Variants in ZSCAN5A observed in about 807,000 individuals in gnomAD.
The protein encoded by ZSCAN5A is zinc finger and SCAN domain containing 5A.
In ZSCAN5A, 12 loss-of-function variants were observed where a neutral mutation model predicts 23.7. The ratio of observed to expected loss-of-function variants is 0.51; its 90% CI spans 0.32 to 0.82. The LOEUF is 0.82. Among genes scored for constraint, ZSCAN5A ranks in the 40% least tolerant of loss-of-function variants. The pLI, the probability that ZSCAN5A is intolerant of heterozygous loss-of-function variation, is 0.03. For missense variants in ZSCAN5A, 597 were observed against 617.9 expected (o/e 0.97, Z 0.36); for synonymous variants, 257 against 239.9 (o/e 1.07, Z -0.66).
chr19:56,285,196 A>G (rs933450612), intron 2 of ZSCAN5A, among the ~76,000 whole-genome samples: 1 of 152,252 alleles, frequency 6.6e-6, no homozygotes, highest in Non-Finnish European at 1.5e-5. Context: ...TTGCTATATA[A>G]GGTTACAGCT....
chr19:56,271,681 G>C (rs1568675248), intron 2 of ZSCAN5A, among the ~76,000 whole-genome samples: 1 of 152,152 alleles, frequency 6.6e-6, no homozygotes, highest in Non-Finnish European at 1.5e-5. Flanking sequence ...GGCGGCAGGA[G>C]AGAGTCCCCT....
rs1306533800 is a variant in ZSCAN5A, at chr19:56,246,733, G to A, written c.-127-21560C>T. The A allele has an allele frequency of 3.0e-6, 4 of 1,327,338 alleles. No individual in the cohort carries two copies. In the South Asian group the frequency reaches 4.7e-5, roughly 16 times the overall value. The allele number at this position is 1,327,338 out of a possible 1,614,324, so 82.2% of individuals were successfully genotyped here. On this transcript the variant is annotated intron_variant, in intron 2 of 5. Coordinates refer to ENST00000683990, the MANE Select transcript of ZSCAN5A (RefSeq NM_001322064.3). ...GTGTGTGGAATCCCTTCTTCCAGCA[G>A]GTGTGGTGGGAGCAAAGGAGGGGAA...
intron 2 of ZSCAN5A, among the ~76,000 whole-genome samples, chr19:56,332,093 C>T (rs1385495826): frequency 6.6e-6 from 1 of 152,044 alleles, no homozygotes; most frequent in Non-Finnish European, 1.5e-5. Context: ...TTAGGCTGAG[C>T]TTGTTGTCCA....
At position 56,226,671 on chromosome 19, in the gene ZSCAN5A, G is replaced by C. The variant is rs538374305; in HGVS notation, c.-127-1498C>G. Reference sequence around the variant, plus strand: ...CAGTATAGAAGCTCCTCAGAAAATTGAAAGTCCAACAACTGCATGATCCGG... The same window carrying C: ...CAGTATAGAAGCTCCTCAGAAAATTCAAAGTCCAACAACTGCATGATCCGG... On this transcript the variant is annotated intron_variant, in intron 2 of 5. Coordinates refer to ENST00000683990, the MANE Select transcript of ZSCAN5A (RefSeq NM_001322064.3). 5.3e-5 allele frequency among the ~76,000 whole-genome samples: 8 copies of C among 152,280 alleles called. No individual in the cohort carries two copies. The South Asian group carries it at 1.7e-3, about 32-fold the overall frequency.
intron 2 of ZSCAN5A, among the ~76,000 whole-genome samples, chr19:56,312,794 C>A (rs571447431): frequency 6.6e-6 from 1 of 152,240 alleles, no homozygotes; most frequent in Non-Finnish European, 1.5e-5. Context: ...CACTCTTCAG[C>A]TGCACTTATC....
Position 56,292,970 on chromosome 19 carries a change from T to C in ZSCAN5A, c.-128+20313A>G, listed in dbSNP as rs1481460352. On this transcript the variant is annotated intron_variant, in intron 2 of 5. Coordinates refer to ENST00000683990, the MANE Select transcript of ZSCAN5A (RefSeq NM_001322064.3). The stretch of plus-strand genomic sequence containing the variant: ...ATTTTTTAATCCAATCATCCACTGA[T>C]TGAATTTTGGGTTGATTCTACCTTT... Among the ~76,000 whole-genome samples the C allele has an allele frequency of 3.9e-5, 6 of 152,188 alleles. No individual in the cohort carries two copies. The East Asian group carries it at 1.2e-3, about 29-fold the overall frequency.
At chr19:56,319,059 A>C (rs1385016997), upstream of ZSCAN5A, among the ~76,000 whole-genome samples, 3 of 152,126 alleles carry the variant, frequency 2.0e-5, no homozygotes, top group Non-Finnish European at 4.4e-5. Context: ...ACCCACCCCA[A>C]CCCCAACAGA....
At chr19:56,307,719 G>C (rs565302529) in intron 2 of ZSCAN5A, among the ~76,000 whole-genome samples, 4 of 152,230 alleles carry the variant, frequency 2.6e-5, no homozygotes, top group Admixed American at 1.3e-4. Context: ...TTTTCCCCAA[G>C]GTCTGTATGT....
chr19:56,326,003 G>A (rs917263509), intron 2 of ZSCAN5A, among the ~76,000 whole-genome samples: 1 of 151,228 alleles, frequency 6.6e-6, no homozygotes. Context: ...TGTGATCTCC[G>A]CTCACTGCAA....
intron 2 of ZSCAN5A, among the ~76,000 whole-genome samples, chr19:56,260,389 T>A (rs1251822903): frequency 6.6e-6 from 1 of 151,948 alleles, no homozygotes; most frequent in Non-Finnish European, 1.5e-5. Flanking sequence ...TAGTTATGTA[T>A]TTTTAGTAGA....
At chr19:56,301,922 G>T in intron 2 of ZSCAN5A, 1 of 1,231,934 alleles carries the variant, frequency 8.1e-7, no homozygotes, top group Non-Finnish European at 1.0e-6. Context: ...CTCTAAGGCA[G>T]GAAGGGAAGG....
chr19:56,304,241 G>C (rs977806525), intron 2 of ZSCAN5A, among the ~76,000 whole-genome samples: 18 of 152,222 alleles, frequency 1.2e-4, no homozygotes, highest in African/African-American at 4.1e-4. Flanking sequence ...CAGTTCTAAA[G>C]GAACTGCTTA....
chr19:56,354,282 ATTGT>A lies in ZSCAN5A; in HGVS notation c.-358+8949_-358+8952del, dbSNP rs920129391. On this transcript the variant is annotated intron_variant, in intron 2 of 6. Coordinates refer to the ZSCAN5A transcript ENST00000587340. ...CACTTACAAATGGTTAAGCCAGTCAATTGTTTGTTTGTATTTTACCACAATTTAA... is the reference window on the plus strand; with the variant it reads ...CACTTACAAATGGTTAAGCCAGTCAATTGTTTGTATTTTACCACAATTTAA... Among the ~76,000 whole-genome samples, 11 of 144,314 alleles carry A rather than the reference ATTGT, an allele frequency of 7.6e-5. No homozygotes were observed. The East Asian group carries it at 9.6e-4, about 13-fold the overall frequency. The allele number at this position is 144,314 out of a possible 152,430, so 94.7% of individuals were successfully genotyped here. A position where few individuals can be genotyped will look rare whatever the true frequency, so the allele number is the denominator to read the frequency against.
chr19:56,357,187 G>A (rs1004160707), intron 2 of ZSCAN5A, among the ~76,000 whole-genome samples: 6 of 148,078 alleles, frequency 4.1e-5, no homozygotes, highest in Non-Finnish European at 7.4e-5. Context: ...GGATGCCAAG[G>A]GTGTTAAGGA....
At position 56,228,199 on chromosome 19, in the gene ZSCAN5A, A is replaced by AC. The variant is rs144703553; in HGVS notation, c.-127-3027dup. 1,034 of 984,228 alleles carry AC rather than the reference A, an allele frequency of 1.1e-3. 10 individuals carry two copies. The African/African-American group carries it at 0.017, about 16-fold the overall frequency. The allele number at this position is 984,228 out of a possible 1,614,324, so 61.0% of individuals were successfully genotyped here. On this transcript the variant is annotated intron_variant, in intron 2 of 5. Transcript: ENST00000683990. The stretch of plus-strand genomic sequence containing the variant: ...AATAAACCCAAACTTTCTGAAACCA[A>AC]CCCCCGACATGCCAGCTCCTAAACC...
chr19:56,362,453 C>G (rs2041739960), intron 2 of ZSCAN5A, among the ~76,000 whole-genome samples: 1 of 152,072 alleles, frequency 6.6e-6, no homozygotes, highest in South Asian at 2.1e-4. Context: ...CCTGTAATCC[C>G]AGCTACTTGG....
chr19:56,228,316 T>C (rs900360245), intron 2 of ZSCAN5A: 2 of 985,244 alleles, frequency 2.0e-6, no homozygotes, highest in Admixed American at 6.2e-5. Context: ...GGCCTGGAGC[T>C]GAACTGCGTC....
At chr19:56,231,111 T>C (rs965407635) in intron 2 of ZSCAN5A, among the ~76,000 whole-genome samples, 1 of 151,988 alleles carries the variant, frequency 6.6e-6, no homozygotes, top group Non-Finnish European at 1.5e-5. Context: ...TACCTGGGAG[T>C]CTGAGGCAGA....
At chr19:56,340,173 T>C (rs557082880) in intron 2 of ZSCAN5A, among the ~76,000 whole-genome samples, 6 of 152,264 alleles carry the variant, frequency 3.9e-5, no homozygotes, top group African/African-American at 1.2e-4. Context: ...CCTAGAAGGA[T>C]GGTGTTCTCT....
Sources: gnomAD v4.1 joint callset for allele counts (sites outside exome capture counted in the v4.1 genomes callset) on GRCh38, gnomAD v4.1.1 for gene constraint, MANE v1.5 for transcripts, NCBI Gene and HGNC (gene_info 2026-07-23, HGNC 2026-07-21) for gene names.